LRIG3: variants seen among roughly 807,000 people sequenced by gnomAD.
LRIG3 encodes leucine-rich repeats and immunoglobulin-like domains protein 3.
A neutral mutation model predicts 114.5 loss-of-function variants in LRIG3; 76 were observed. The ratio of observed to expected loss-of-function variants is 0.66; its 90% confidence interval spans 0.55 to 0.80. The LOEUF is 0.80. LRIG3 is among the 30% of genes least tolerant of loss of function. The pLI, the probability that LRIG3 is intolerant of heterozygous loss-of-function variation, is 0.00. For synonymous variants in LRIG3, 512 were observed against 519.8 expected (o/e 0.98, Z 0.20); for missense variants, 1,239 against 1,382.8 (o/e 0.90, Z 1.65).
At chr12:58,919,899 G>T in intron 1 of LRIG3, 101 bp downstream of exon 1, 1 of 1,201,892 alleles carries the variant, frequency 8.3e-7, no homozygotes, top group Non-Finnish European at 1.2e-6. Flanking sequence ...GAGCTATACG[G>T]CAAAAAGGGG....
chr12:58,907,172 C>T (rs1356964634), intron 3 of LRIG3, among the ~76,000 whole-genome samples: 4 of 152,168 alleles, frequency 2.6e-5, no homozygotes, highest in Non-Finnish European at 5.9e-5. Context: ...ATGTCTTTAC[C>T]GTCTGTCTTC....
chr12:58,910,411 C>T (rs775528328), intron 3 of LRIG3, among the ~76,000 whole-genome samples: 36 of 152,210 alleles, frequency 2.4e-4, no homozygotes, highest in African/African-American at 8.2e-4. Context: ...AGATCGAGAC[C>T]GTCCTGGCTA....
chr12:58,874,088 G>A lies in LRIG3; in HGVS notation c.3082C>T (p.Pro1028Ser). The A allele has an allele frequency of 1.9e-6, 3 of 1,614,178 alleles. No individual in the cohort carries two copies. Among genetic ancestry groups the A allele is most frequent in the South Asian group, 1.1e-5 (1 of 91,082 alleles). Residue 1028 changes from proline to serine, a missense_variant, in exon 18 of 19, where the codon CCA becomes TCA. Transcript: ENST00000320743. Reference sequence around the variant, plus strand: ...GAATTACTCGAGGCAACCGACGCTGGCTCTGGATTTGCACTAAAATCTAAA... The same window carrying A: ...GAATTACTCGAGGCAACCGACGCTGACTCTGGATTTGCACTAAAATCTAAA... ...SSLDFSANPE[P>S]ASVASSNSFM...
At chr12:58,919,260 G>A (rs1452184903) in intron 1 of LRIG3, among the ~76,000 whole-genome samples, 1 of 152,166 alleles carries the variant, frequency 6.6e-6, no homozygotes, top group East Asian at 1.9e-4. Flanking sequence ...AGACTTCGCA[G>A]CTAAAAATCC....
chr12:58,880,480 T>A, intron 13 of LRIG3, 101 bp downstream of exon 13: 1 of 1,160,016 alleles, frequency 8.6e-7, no homozygotes. Flanking sequence ...GGTGGGGAAC[T>A]GTGAGAAGAA....
intron 10 of LRIG3, among the ~76,000 whole-genome samples, chr12:58,884,305 C>A (rs543601114): frequency 5.3e-5 from 8 of 152,282 alleles, no homozygotes; most frequent in African/African-American, 1.9e-4. Context: ...AAGCACTCTG[C>A]ATTAAAGTAT....
At chr12:58,885,721 C>T (rs920088137) in intron 10 of LRIG3, 110 bp downstream of exon 10, 4 of 607,448 alleles carry the variant, frequency 6.6e-6, no homozygotes, top group African/African-American at 1.9e-5. Context: ...TTTATGGAAC[C>T]GGAAGGATGC....
chr12:58,888,621 T>C (rs1289994216), intron 6 of LRIG3, 149 bp from the exon 7 acceptor site: 1 of 1,252,558 alleles, frequency 8.0e-7, no homozygotes, highest in Admixed American at 2.8e-5. Context: ...AAAAATACTA[T>C]ATAGTTTATA....
At chr12:58,885,411 G>A (rs1025275044) in intron 10 of LRIG3, among the ~76,000 whole-genome samples, 3 of 152,016 alleles carry the variant, frequency 2.0e-5, no homozygotes, top group East Asian at 3.9e-4. Flanking sequence ...TAGAACCTCC[G>A]CTTAACAATA....
At chr12:58,884,387 A>T (rs1415163238) in intron 10 of LRIG3, among the ~76,000 whole-genome samples, 1 of 152,190 alleles carries the variant, frequency 6.6e-6, no homozygotes, top group African/African-American at 2.4e-5. Flanking sequence ...TGAGTGAGAC[A>T]AGTGGGAAGA....
In LRIG3 at chr12:58,886,830, C is replaced by G. The variant is rs747788510; in HGVS notation, c.1152G>C (p.Gly384=). Residue 384 remains glycine (G), a synonymous_variant, in exon 9 of 19, where the codon GGG becomes GGC. Coordinates refer to ENST00000320743, the MANE Select transcript of LRIG3 (RefSeq NM_153377.5). ...CTCACAGTCGCCTCAGTTTGTCAAG[C>G]CCAGAGAAAGCACCATTCATGTCTT... ...TIEDMNGAFS[G]LDKLRRLILQ... The G allele has an allele frequency of 1.0e-4, 161 of 1,613,390 alleles. 3 individuals carry two copies. In the South Asian group the frequency reaches 1.6e-3, roughly 16 times the overall value.
Position 58,883,002 on chromosome 12 carries a change from A to G in LRIG3, c.1347T>C (p.Asp449=). Residue 449 remains aspartate, a synonymous_variant, in exon 12 of 19, where the codon GAT becomes GAC. Transcript: ENST00000320743. ...ACTGTGGGAGCCATTTTAGCTGGCA[A>G]TCGCACAAAAGGCTTGATGTATTTA... ...LHLNTSSLLC[D]CQLKWLPQWV... The G allele has an allele frequency of 6.2e-7, 1 of 1,613,996 alleles. No homozygotes were observed. Among genetic ancestry groups the G allele is most frequent in the Non-Finnish European group, 8.5e-7 (1 of 1,179,916 alleles).
intron 12 of LRIG3, among the ~76,000 whole-genome samples, chr12:58,881,743 G>C (rs150362031): frequency 1.4e-3 from 209 of 152,278 alleles, no homozygotes; most frequent in African/African-American, 4.9e-3. Flanking sequence ...TATTGAATGG[G>C]TTATAGGGGA....
chr12:58,914,215 G>T, intron 2 of LRIG3, 50 bp downstream of exon 2: 1 of 1,555,604 alleles, frequency 6.4e-7, no homozygotes, highest in African/African-American at 1.4e-5. Context: ...AATAGTATAA[G>T]GGGTAACGTA....
At chr12:58,887,732 T>C in intron 8 of LRIG3, 57 bp downstream of exon 8, 3 of 1,574,432 alleles carry the variant, frequency 1.9e-6, no homozygotes, top group East Asian at 2.3e-5. Flanking sequence ...AGGAGAAAAG[T>C]GGGCATATTT....
At chr12:58,880,212 C>T in intron 13 of LRIG3, 1 of 348,404 alleles carries the variant, frequency 2.9e-6, no homozygotes. Context: ...AGGAGAATTG[C>T]TTGAATCTGG....
chr12:58,887,004 AC>A (rs1871298574), intron 8 of LRIG3, 114 bp from the exon 9 acceptor site: 2 of 651,422 alleles, frequency 3.1e-6, no homozygotes, highest in East Asian at 5.7e-5. Flanking sequence ...CATTATCTCC[AC>A]CTCTCTCAAA....
At chr12:58,913,927 T>A in intron 3 of LRIG3, 55 bp downstream of exon 3, 2 of 1,460,618 alleles carry the variant, frequency 1.4e-6, no homozygotes, top group Non-Finnish European at 1.9e-6. Flanking sequence ...CCTATGGAAC[T>A]CCCACTCAAG....
intron 14 of LRIG3, among the ~76,000 whole-genome samples, chr12:58,878,268 T>C (rs1870997167): frequency 6.6e-6 from 1 of 152,232 alleles, no homozygotes; most frequent in Non-Finnish European, 1.5e-5. Context: ...TGGGCCTATA[T>C]TAAAACTCTG....
Sources: gnomAD v4.1 joint callset for allele counts (sites outside exome capture counted in the v4.1 genomes callset) on GRCh38, gnomAD v4.1.1 for gene constraint, MANE v1.5 for transcripts, NCBI Gene and HGNC (gene_info 2026-07-23, HGNC 2026-07-21) for gene names.